The following SEMA4B variants were observed in gnomAD, a reference collection of about 807,000 sequenced individuals.
SEMA4B encodes the protein semaphorin 4B, also known as semaphorin-4B.
SEMA4B carries 55 observed loss-of-function variants against 88.1 expected under a neutral mutation model. That is an observed-to-expected ratio of 0.62 (90% confidence interval 0.50 to 0.78). The LOEUF (loss-of-function observed/expected upper bound fraction) is 0.78. Among genes scored for constraint, SEMA4B ranks in the 30% least tolerant of loss-of-function variants. The pLI is 0.00. For synonymous variants in SEMA4B, 525 were observed against 473.6 expected (o/e 1.11, Z -1.41); for missense variants, 1,062 against 1,111.9 (o/e 0.96, Z 0.64).
At chr15:90,224,081 T>A in intron 9 of SEMA4B, 93 bp downstream of exon 9, 1 of 1,221,062 alleles carries the variant, frequency 8.2e-7, no homozygotes, top group Non-Finnish European at 1.1e-6. Context: ...CTCGGGCAGA[T>A]CACTTGGCTT....
chr15:90,219,520 AGGGGTAGGAT>A (rs756017184), intron 3 of SEMA4B: 153 of 427,120 alleles, frequency 3.6e-4, no homozygotes, highest in Non-Finnish European at 5.9e-4. Flanking sequence ...TACAACTCAA[AGGGGTAGGAT>A]TCTGTGCCCT....
intron 1 of SEMA4B, among the ~76,000 whole-genome samples, chr15:90,194,737 T>C (rs973468046): frequency 2.6e-5 from 4 of 152,190 alleles, no homozygotes; most frequent in Admixed American, 6.5e-5. Flanking sequence ...AAATTTTAAA[T>C]GGAAAGATTA....
chr15:90,203,348 C>T (rs1055109113), intron 1 of SEMA4B, among the ~76,000 whole-genome samples: 1 of 152,178 alleles, frequency 6.6e-6, no homozygotes, highest in Non-Finnish European at 1.5e-5. Flanking sequence ...TCCCTTTGCC[C>T]TCAGACCCTC....
intron 1 of SEMA4B, among the ~76,000 whole-genome samples, chr15:90,204,540 G>A (rs1960899535): frequency 6.6e-6 from 1 of 152,160 alleles, no homozygotes; most frequent in Admixed American, 6.5e-5. Flanking sequence ...CAGTCAGCTG[G>A]AAATCTCTGA....
rs1962313909 is a variant in SEMA4B, at chr15:90,228,456, G to A, written c.2327G>A (p.Gly776Glu). ...PPETRPLNGL[G>E]PPSTPLDHRG... is the part of the protein sequence containing the mutation. ...GAGACCCGCCCACTCAACGGCCTAG[G>A]GCCCCCTAGCACCCCGCTCGATCAC... is the stretch of plus-strand genomic sequence containing the variant. The change falls in exon 14 of 14, where the codon GGG becomes GAG. Residue 776 changes from glycine (G) to glutamate (E), a missense_variant. Coordinates refer to ENST00000411539, the MANE Select transcript of SEMA4B (RefSeq NM_198925.4). 1 of 1,610,734 alleles carries A rather than the reference G, an allele frequency of 6.2e-7. No homozygotes were observed. Among genetic ancestry groups the A allele is most frequent in the Non-Finnish European group, 8.5e-7 (1 of 1,178,952 alleles).
Position 90,221,431 on chromosome 15 carries a change from C to G in SEMA4B, c.660C>G (p.Ser220Arg), listed in dbSNP as rs1961835029. ...FQGNDPAISR[S>R]QSLRPTKTES... ...GGAATGACCCGGCCATCTCGCGGAG[C>G]CAAAGCCTTCGCCCCACCAAGACCG... Residue 220 changes from serine (S) to arginine (R), a missense_variant, in exon 6 of 14, where the codon AGC becomes AGG. Physicochemically the swap from Ser to Arg is moderately radical, Grantham distance 110. Coordinates refer to ENST00000411539, the MANE Select transcript of SEMA4B (RefSeq NM_198925.4). 2 of 1,586,006 alleles carry G rather than the reference C, an allele frequency of 1.3e-6. No homozygotes were observed. Among genetic ancestry groups the G allele is most frequent in the Non-Finnish European group, 8.6e-7 (1 of 1,166,912 alleles).
chr15:90,188,788 C>T (rs1444712835), intron 1 of SEMA4B, among the ~76,000 whole-genome samples: 1 of 152,064 alleles, frequency 6.6e-6, no homozygotes, highest in Admixed American at 6.6e-5. Context: ...CTGCCTCAGC[C>T]TCCCGAGTAG....
intron 1 of SEMA4B, among the ~76,000 whole-genome samples, chr15:90,204,975 A>G (rs1002371341): frequency 6.6e-6 from 1 of 152,108 alleles, no homozygotes; most frequent in African/African-American, 2.4e-5. Context: ...GGATTTCACC[A>G]TGTTGTCCAG....
upstream of SEMA4B, among the ~76,000 whole-genome samples, chr15:90,201,085 A>C (rs1009480828): frequency 2.6e-5 from 4 of 152,160 alleles, no homozygotes; most frequent in African/African-American, 7.2e-5. Context: ...GAGGAGCCGG[A>C]AGGGGCCAGG....
upstream of SEMA4B, among the ~76,000 whole-genome samples, chr15:90,196,604 A>G (rs919081017): frequency 9.9e-5 from 15 of 152,048 alleles, no homozygotes; most frequent in African/African-American, 3.6e-4. Flanking sequence ...CTCCTGCCTC[A>G]GCCTCCCGAG....
intron 1 of SEMA4B, among the ~76,000 whole-genome samples, chr15:90,213,945 C>T (rs774395621): frequency 2.6e-5 from 4 of 152,252 alleles, no homozygotes; most frequent in Non-Finnish European, 5.9e-5. Flanking sequence ...GAAGGGCCTA[C>T]TTGAGGGCCG....
chr15:90,205,607 A>T (rs1328524331), intron 1 of SEMA4B, among the ~76,000 whole-genome samples: 3 of 152,244 alleles, frequency 2.0e-5, no homozygotes, highest in Non-Finnish European at 4.4e-5. Context: ...TAATGTATGT[A>T]AAGTGTTTGG....
intron 1 of SEMA4B, chr15:90,206,653 C>G: frequency 1.5e-6 from 1 of 667,522 alleles, no homozygotes; most frequent in South Asian, 1.6e-5. Flanking sequence ...CCCTCATCCA[C>G]GATGGCCTAG....
intron 1 of SEMA4B, among the ~76,000 whole-genome samples, chr15:90,215,735 C>G (rs1462176593): frequency 6.6e-6 from 1 of 152,102 alleles, no homozygotes; most frequent in Non-Finnish European, 1.5e-5. Context: ...TTGCTCGAAC[C>G]TGGAAGGCGG....
Position 90,228,630 on chromosome 15 carries a change from A to G in SEMA4B, c.2501A>G (p.Asp834Gly). ...PRVRLGSEIR[D>G]SVV ...GTCCGCCTTGGCTCGGAGATCCGTG[A>G]CTCTGTGGTGTGAGAGCTGACTTCC... The change falls in exon 14 of 14, where the codon GAC becomes GGC. Residue 834 changes from aspartate (D) to glycine (G), a missense_variant. Asp to Gly is a moderately conservative substitution (Grantham distance 94, BLOSUM62 -1). Transcript: ENST00000411539. 1 of 1,613,174 alleles carries G rather than the reference A, an allele frequency of 6.2e-7. No individual in the cohort carries two copies. Among genetic ancestry groups the G allele is most frequent in the South Asian group, 1.1e-5 (1 of 91,078 alleles).
In SEMA4B at chr15:90,192,586, C is replaced by CT. The variant is rs67328606; in HGVS notation, c.-122+7526dup. Among the ~76,000 whole-genome samples, 806 of 88,654 alleles carry CT rather than the reference C, an allele frequency of 9.1e-3. 35 individuals are homozygous for CT. The highest frequency in any genetic ancestry group is 0.023 in the African/African-American group (508 of 21,836). 58.2% of individuals were successfully genotyped at this position (88,654 alleles called of 152,430 possible). On this transcript the variant is annotated intron_variant, in intron 1 of 14. Coordinates refer to the SEMA4B transcript ENST00000332496. The stretch of plus-strand genomic sequence containing the variant: ...TCCCTTTATTTTCTTTCCCTTGTAG[C>CT]TTTTTTTTTTTTTTTTTTTTTGAGA...
upstream of SEMA4B, among the ~76,000 whole-genome samples, chr15:90,198,999 G>A (rs1257874808): frequency 2.0e-5 from 3 of 152,074 alleles, no homozygotes; most frequent in African/African-American, 7.2e-5. Flanking sequence ...TCAGCCTCCC[G>A]AGTAGCTGGG....
At chr15:90,225,974 T>A in intron 12 of SEMA4B, 147 bp downstream of exon 12, 1 of 585,866 alleles carries the variant, frequency 1.7e-6, no homozygotes. Context: ...TCCTGCTTCC[T>A]CTCAAGTGCA....
At chr15:90,224,063 T>G in intron 9 of SEMA4B, 75 bp downstream of exon 9, 1 of 1,454,060 alleles carries the variant, frequency 6.9e-7, no homozygotes, top group African/African-American at 1.4e-5. Context: ...GGAGCAAGGC[T>G]GCCTAGCCTC....
Sources: gnomAD v4.1 joint callset for allele counts (sites outside exome capture counted in the v4.1 genomes callset) on GRCh38, gnomAD v4.1.1 for gene constraint, MANE v1.5 for transcripts, NCBI Gene and HGNC (gene_info 2026-07-23, HGNC 2026-07-21) for gene names.